Variants in DNM3 observed in about 807,000 individuals in gnomAD.
DNM3 encodes the protein dynamin-3.
In DNM3, 47 loss-of-function variants were observed where a neutral mutation model predicts 101.6. The observed-to-expected ratio is 0.46, with a 90% confidence interval of 0.37 to 0.59. DNM3 has a LOEUF of 0.59. DNM3 is among the 20% of genes least tolerant of loss of function. The pLI is 0.00. For synonymous variants in DNM3, 385 were observed against 387.9 expected (o/e 0.99, Z 0.09); for missense variants, 849 against 1,085.7 (o/e 0.78, Z 3.06).
At chr1:171,968,035 A>G (rs2043713986) in intron 2 of DNM3, among the ~76,000 whole-genome samples, 1 of 152,166 alleles carries the variant, frequency 6.6e-6, no homozygotes, top group Non-Finnish European at 1.5e-5. Context: ...GCACAGAGGA[A>G]GCCTTCCCTC....
intron 17 of DNM3, among the ~76,000 whole-genome samples, chr1:172,351,580 T>A (rs901967391): frequency 2.6e-5 from 4 of 152,144 alleles, no homozygotes; most frequent in Non-Finnish European, 5.9e-5. Context: ...ATATATCAGG[T>A]CTCAGCTTAG....
intron 10 of DNM3, among the ~76,000 whole-genome samples, chr1:172,057,076 C>T (rs1470572229): frequency 6.6e-6 from 1 of 151,946 alleles, no homozygotes; most frequent in African/African-American, 2.4e-5. Flanking sequence ...ATGTGATCAA[C>T]TGGAAGAAAG....
chr1:171,982,727 C>A (rs1414773135), intron 2 of DNM3, among the ~76,000 whole-genome samples: 1 of 151,952 alleles, frequency 6.6e-6, no homozygotes, highest in East Asian at 1.9e-4. Flanking sequence ...AGTATATAAA[C>A]TGTATAATAG....
chr1:172,399,059 C>A (rs1472194675), intron 20 of DNM3, among the ~76,000 whole-genome samples: 1 of 152,162 alleles, frequency 6.6e-6, no homozygotes, highest in African/African-American at 2.4e-5. Flanking sequence ...CTGTTAAATT[C>A]ATATACTCCT....
Position 172,384,199 on chromosome 1 carries a change from A to G in DNM3, c.2059-2934A>G, listed in dbSNP as rs536136199. Among the ~76,000 whole-genome samples the G allele has an allele frequency of 1.9e-3, 288 of 152,314 alleles. 1 individual carries two copies. Among genetic ancestry groups the G allele is most frequent in the African/African-American group, 6.4e-3 (266 of 41,568 alleles). On this transcript the variant is annotated intron_variant, in intron 18 of 20. Transcript: ENST00000627582. ...AAAGCTAGGTTAGCAGAAGGAGAGA[A>G]GAGTATCTCTAAAATTTTGCTTAAA...
chr1:171,847,894 C>CTGTGTGTG (rs1234956839), intron 1 of DNM3, among the ~76,000 whole-genome samples: 9 of 139,696 alleles, frequency 6.4e-5, no homozygotes, highest in Non-Finnish European at 1.1e-4. Context: ...CTCTCTCTCT[C>CTGTGTGTG]TCTGTGTGTG....
chr1:172,384,771 G>A (rs77189826), intron 18 of DNM3, among the ~76,000 whole-genome samples: 338 of 152,322 alleles, frequency 2.2e-3, no homozygotes, highest in Non-Finnish European at 4.1e-3. Flanking sequence ...TGATATTCCA[G>A]TAATATGTAA....
Position 172,412,710 on chromosome 1 carries a change from T to A in DNM3, c.*4869T>A. On this transcript the variant is annotated 3_prime_UTR_variant, in exon 21 of 21. Coordinates refer to ENST00000627582, the MANE Select transcript of DNM3 (RefSeq NM_015569.5). ...CTGAAGCTGAAATAAATTATAACAT[T>A]TGAAGGACCCCTTTTCCTCATTCTT... The A allele has an allele frequency of 2.0e-6, 2 of 985,800 alleles. No homozygotes were observed. Among genetic ancestry groups the A allele is most frequent in the Non-Finnish European group, 2.4e-6 (2 of 829,868 alleles). The allele number at this position is 985,800 out of a possible 1,614,324, so 61.1% of individuals were successfully genotyped here. A position where few individuals can be genotyped will look rare whatever the true frequency, so the allele number is the denominator to read the frequency against.
chr1:171,986,955 C>A (rs2045306213), intron 2 of DNM3, among the ~76,000 whole-genome samples: 1 of 151,910 alleles, frequency 6.6e-6, no homozygotes, highest in Non-Finnish European at 1.5e-5. Context: ...GATAATACAC[C>A]AGCTTGTAGG....
At position 172,223,469 on chromosome 1, in the gene DNM3, T is replaced by C. The variant is rs79557753; in HGVS notation, c.1660-30104T>C. 3.0e-3 allele frequency among the ~76,000 whole-genome samples: 452 copies of C among 152,204 alleles called. 16 individuals carry two copies. The East Asian group carries it at 0.081, about 27-fold the overall frequency. ...TTTTTTACATTCGTTGAAATATAAC[T>C]TTTCTCTGAGAGCATCATATCCTCA... On this transcript the variant is annotated intron_variant, in intron 14 of 20. Coordinates refer to ENST00000627582, the MANE Select transcript of DNM3 (RefSeq NM_015569.5).
At chr1:172,244,315 G>A (rs567909140) in intron 14 of DNM3, among the ~76,000 whole-genome samples, 10 of 152,144 alleles carry the variant, frequency 6.6e-5, no homozygotes, top group Non-Finnish European at 1.2e-4. Context: ...GAATAATGCC[G>A]CAATAAACAT....
intron 15 of DNM3, among the ~76,000 whole-genome samples, chr1:172,279,348 C>G (rs2063401978): frequency 6.6e-6 from 1 of 152,148 alleles, no homozygotes; most frequent in South Asian, 2.1e-4. Flanking sequence ...GGTGTTTGCA[C>G]TTGAATAATT....
chr1:171,949,675 C>T (rs1483515060), intron 2 of DNM3, among the ~76,000 whole-genome samples: 1 of 152,030 alleles, frequency 6.6e-6, no homozygotes, highest in Non-Finnish European at 1.5e-5. Flanking sequence ...CTTGGTTTCC[C>T]AAAGTGCTGG....
At chr1:171,982,776 A>G (rs1309675375) in intron 2 of DNM3, among the ~76,000 whole-genome samples, 1 of 152,170 alleles carries the variant, frequency 6.6e-6, no homozygotes, top group Non-Finnish European at 1.5e-5. Flanking sequence ...TTAAATGGTT[A>G]ACAAGTAAAC....
chr1:172,107,506 G>A (rs1049621075), intron 13 of DNM3, among the ~76,000 whole-genome samples: 2 of 152,094 alleles, frequency 1.3e-5, no homozygotes, highest in African/African-American at 4.8e-5. Flanking sequence ...CTTATTATCC[G>A]GCGAGAACTC....
rs138367063 is a variant in DNM3 at position 172,295,685 on chromosome 1, C to T, written c.1770-13043C>T. ...AGAAACAGTCAGCATTTAAAAACAG[C>T]AAATTGTATCTCAAAATGATAAAAC... On this transcript the variant is annotated intron_variant, in intron 15 of 20. Coordinates refer to ENST00000627582, the MANE Select transcript of DNM3 (RefSeq NM_015569.5). Among the ~76,000 whole-genome samples, 904 of 152,172 alleles carry T rather than the reference C, an allele frequency of 5.9e-3. 6 individuals carry two copies. Among genetic ancestry groups the T allele is most frequent in the African/African-American group, 0.02 (851 of 41,528 alleles).
intron 2 of DNM3, among the ~76,000 whole-genome samples, chr1:171,984,233 A>G (rs968597939): frequency 5.3e-5 from 8 of 152,128 alleles, no homozygotes; most frequent in Admixed American, 4.6e-4. Context: ...TCAACACAGC[A>G]TCCACAGTTG....
chr1:172,007,950 A>C (rs182601243), intron 4 of DNM3, among the ~76,000 whole-genome samples: 1 of 152,060 alleles, frequency 6.6e-6, no homozygotes, highest in Non-Finnish European at 1.5e-5. Context: ...TTCCCTGATA[A>C]TTATTGACGT....
At chr1:172,217,480 C>A (rs1005585231) in intron 14 of DNM3, among the ~76,000 whole-genome samples, 1 of 152,096 alleles carries the variant, frequency 6.6e-6, no homozygotes, top group Non-Finnish European at 1.5e-5. Flanking sequence ...TGGGACAAGG[C>A]TCTAAATGGA....
Sources: gnomAD v4.1 joint callset for allele counts (sites outside exome capture counted in the v4.1 genomes callset) on GRCh38, gnomAD v4.1.1 for gene constraint, MANE v1.5 for transcripts, NCBI Gene and HGNC (gene_info 2026-07-23, HGNC 2026-07-21) for gene names.